The following CACNA1E variants were observed in gnomAD, a reference collection of about 807,000 sequenced individuals.
The protein encoded by CACNA1E is voltage-dependent R-type calcium channel subunit alpha-1E.
A neutral mutation model predicts 259.2 loss-of-function variants in CACNA1E; 40 were observed. The observed-to-expected ratio is 0.15, with a 90% confidence interval of 0.12 to 0.20. CACNA1E has a LOEUF of 0.20. Among genes scored for constraint, CACNA1E ranks in the 10% least tolerant of loss-of-function variants. The pLI is 1.00. For missense variants in CACNA1E, 1,874 were observed against 3,040.1 expected, an observed-to-expected ratio of 0.62 and a Z score of 9.02; for synonymous variants, 1,104 against 1,138.5, an observed-to-expected ratio of 0.97 and a Z score of 0.61.
intron 3 of CACNA1E, among the ~76,000 whole-genome samples, chr1:181,547,365 T>A (rs1284806722): frequency 6.6e-6 from 1 of 152,260 alleles, no homozygotes; most frequent in Admixed American, 6.5e-5. Flanking sequence ...CTGTTCATGA[T>A]CTGCCCTCCT....
chr1:181,574,977 A>G (rs1650811504), intron 3 of CACNA1E, among the ~76,000 whole-genome samples: 1 of 151,948 alleles, frequency 6.6e-6, no homozygotes, highest in South Asian at 2.1e-4. Context: ...GTGAGCTGAG[A>G]TCGTGCCATT....
chr1:181,345,993 G>A (rs1398130284), intron 1 of CACNA1E, among the ~76,000 whole-genome samples: 1 of 152,198 alleles, frequency 6.6e-6, no homozygotes, highest in African/African-American at 2.4e-5. Context: ...TGTTTCTGAG[G>A]GGCAGGCCAT....
chr1:181,521,987 C>T (rs538078873), intron 3 of CACNA1E, among the ~76,000 whole-genome samples: 3 of 152,156 alleles, frequency 2.0e-5, no homozygotes, highest in Admixed American at 1.3e-4. Context: ...TTCAGGGCCT[C>T]GTTGGCATGT....
In CACNA1E at chr1:181,691,801, A is replaced by G. The variant is rs12737644; in HGVS notation, c.1056-19153A>G. ...TCTCACCACTTCTACTGAACATACT[A>G]CTGGAAGTCCTACCTGGAATAATCA... is the stretch of plus-strand genomic sequence containing the variant. On this transcript the variant is annotated intron_variant, in intron 7 of 47. Transcript: ENST00000367573. 5.7e-3 allele frequency among the ~76,000 whole-genome samples: 861 copies of G among 152,260 alleles called. 4 individuals carry two copies. Among genetic ancestry groups the G allele is most frequent in the Non-Finnish European group, 8.1e-3 (552 of 67,992 alleles).
intron 6 of CACNA1E, among the ~76,000 whole-genome samples, chr1:181,606,334 G>A (rs1654234356): frequency 6.6e-6 from 1 of 152,196 alleles, no homozygotes; most frequent in South Asian, 2.1e-4. Flanking sequence ...CTACGGAGTT[G>A]CCCAAGCCAA....
rs577505253 is a variant in CACNA1E, at chr1:181,626,086, A to C, written c.952-25252A>C. Among the ~76,000 whole-genome samples, 4 of 152,328 alleles carry C rather than the reference A, an allele frequency of 2.6e-5. No individual in the cohort carries two copies. In the South Asian group the frequency reaches 8.3e-4, roughly 32 times the overall value. ...CAATTAAGCATACCAACTTACATAA[A>C]CATGACTTATGGTACCCCACAACAA... On this transcript the variant is annotated intron_variant, in intron 6 of 47. Transcript: ENST00000367573.
intron 7 of CACNA1E, 83 bp from the exon 8 acceptor site, chr1:181,710,871 C>T (rs1024241471): frequency 3.1e-6 from 3 of 976,738 alleles, no homozygotes; most frequent in Admixed American, 3.5e-5. Flanking sequence ...TGCTCAGATG[C>T]TCTCTCTCTG....
chr1:181,468,307 T>C (rs1047146798), intron 2 of CACNA1E, among the ~76,000 whole-genome samples: 1 of 152,146 alleles, frequency 6.6e-6, no homozygotes, highest in African/African-American at 2.4e-5. Context: ...GGTTTGCGAG[T>C]TGCACTTGCA....
upstream of CACNA1E, among the ~76,000 whole-genome samples, chr1:181,482,790 A>C (rs2102462014): frequency 6.6e-6 from 1 of 152,206 alleles, no homozygotes; most frequent in Middle Eastern, 3.4e-3. Flanking sequence ...CTCGGCTGCA[A>C]CCTGTTCCTC....
At chr1:181,369,574 G>A (rs1401786325) in intron 1 of CACNA1E, among the ~76,000 whole-genome samples, 1 of 152,164 alleles carries the variant, frequency 6.6e-6, no homozygotes, top group Admixed American at 6.5e-5. Flanking sequence ...CATTTTTTTA[G>A]CAGCTGGTGC....
chr1:181,743,702 A>G (rs1656793752), intron 25 of CACNA1E, among the ~76,000 whole-genome samples: 2 of 152,196 alleles, frequency 1.3e-5, no homozygotes. Flanking sequence ...TGTGTGTGAC[A>G]CCTGCACTCC....
intron 43 of CACNA1E, among the ~76,000 whole-genome samples, chr1:181,788,914 T>C (rs190959914): frequency 1.3e-5 from 2 of 152,354 alleles, no homozygotes; most frequent in Non-Finnish European, 2.9e-5. Context: ...TTGCCCAGGC[T>C]GGAGTACAGT....
rs529870321 is a variant in CACNA1E at position 181,366,773 on chromosome 1, T to C, written c.-14-46360T>C. Among the ~76,000 whole-genome samples, 127 of 152,294 alleles carry C rather than the reference T, an allele frequency of 8.3e-4. 1 individual carries two copies. The highest frequency in any genetic ancestry group is 3.0e-3 in the African/African-American group (126 of 41,566). ...AATGAAGAGGAAGCATATATGCCTT[T>C]ATATTGGGTAACTGAAGAGTGATAG... is the stretch of plus-strand genomic sequence containing the variant. On this transcript the variant is annotated intron_variant, in intron 1 of 11. Coordinates refer to the CACNA1E transcript ENST00000524607.
In CACNA1E at chr1:181,367,878, A is replaced by G. The variant is rs374738827; in HGVS notation, c.-14-45255A>G. 8.2e-4 allele frequency among the ~76,000 whole-genome samples: 125 copies of G among 152,308 alleles called. 2 individuals carry two copies. The highest frequency in any genetic ancestry group is 3.0e-3 in the African/African-American group (123 of 41,574). ...TTGAAAATAATGCTTTATTTCTCAT[A>G]TAGTCTTCAGAATAACTTTAACAAT... is the stretch of plus-strand genomic sequence containing the variant. On this transcript the variant is annotated intron_variant, in intron 1 of 11. Coordinates refer to the CACNA1E transcript ENST00000524607.
intron 3 of CACNA1E, among the ~76,000 whole-genome samples, chr1:181,528,228 C>T (rs1291918027): frequency 6.6e-6 from 1 of 152,110 alleles, no homozygotes; most frequent in Non-Finnish European, 1.5e-5. Flanking sequence ...ATGAGATCTG[C>T]TGGGTTTATC....
rs564548997 is a variant in CACNA1E at position 181,583,148 on chromosome 1, A to G, written c.951+2372A>G. ...CACACACACACACACACACACACTTATACACACTGGTTGCGTACCATGAAG... is the reference window on the plus strand; with the variant it reads ...CACACACACACACACACACACACTTGTACACACTGGTTGCGTACCATGAAG... On this transcript the variant is annotated intron_variant, in intron 6 of 47. Coordinates refer to ENST00000367573, the MANE Select transcript of CACNA1E (RefSeq NM_001205293.3). 2.2e-3 allele frequency among the ~76,000 whole-genome samples: 332 copies of G among 149,506 alleles called. 1 individual carries two copies. The highest frequency in any genetic ancestry group is 3.7e-3 in the Non-Finnish European group (250 of 67,352).
intron 1 of CACNA1E, among the ~76,000 whole-genome samples, chr1:181,394,747 G>C (rs1656536802): frequency 6.6e-6 from 1 of 152,206 alleles, no homozygotes; most frequent in African/African-American, 2.4e-5. Context: ...GACGGACTTA[G>C]CCAGAATGAT....
intron 3 of CACNA1E, among the ~76,000 whole-genome samples, chr1:181,534,095 A>G (rs1667974961): frequency 6.6e-6 from 1 of 152,120 alleles, no homozygotes; most frequent in Non-Finnish European, 1.5e-5. Context: ...AATGTTGGGT[A>G]ATGACAGTAA....
At chr1:181,438,278 CT>C (rs2102281907) in intron 2 of CACNA1E, among the ~76,000 whole-genome samples, 1 of 152,312 alleles carries the variant, frequency 6.6e-6, no homozygotes, top group East Asian at 1.9e-4. Flanking sequence ...CTCATAATGG[CT>C]CTAGAAGCAG....
Sources: allele counts gnomAD v4.1 joint callset (sites outside exome capture counted in the v4.1 genomes callset), GRCh38; gene constraint gnomAD v4.1.1; transcripts MANE v1.5; gene names NCBI Gene and HGNC (gene_info 2026-07-23, HGNC 2026-07-21).